The following MACF1 variants were observed in gnomAD, a reference collection of about 807,000 sequenced individuals.
MACF1 encodes the protein microtubule actin crosslinking factor 1, also known as microtubule-actin cross-linking factor 1.
Under a neutral mutation model 854.8 loss-of-function variants are expected in MACF1, and 193 were observed. The ratio of observed to expected loss-of-function variants is 0.23; its 90% CI spans 0.20 to 0.25. The LOEUF (loss-of-function observed/expected upper bound fraction) is 0.25. Among genes scored for constraint, MACF1 ranks in the 10% least tolerant of loss-of-function variants. The pLI, the probability that MACF1 is intolerant of heterozygous loss-of-function variation, is 1.00. For synonymous variants in MACF1, 3,185 were observed against 3,226.7 expected, an observed-to-expected ratio of 0.99 and a Z score of 0.44; for missense variants, 7,722 against 8,929.1, an observed-to-expected ratio of 0.86 and a Z score of 5.45.
chr1:39,250,267 A>G (rs1645025782), intron 3 of MACF1, 164 bp downstream of exon 3: 1 of 432,122 alleles, frequency 2.3e-6, no homozygotes, highest in African/African-American at 2.0e-5. Context: ...TCAGACTTAG[A>G]ATTTACAAAT....
chr1:39,421,577 CTAAT>C (rs559589217), intron 58 of MACF1, among the ~76,000 whole-genome samples: 23 of 152,256 alleles, frequency 1.5e-4, no homozygotes, highest in South Asian at 1.5e-3. Flanking sequence ...TATGTTTTGA[CTAAT>C]TGAGTTATTA....
chr1:39,294,920 A>G (rs1645869294), intron 18 of MACF1, 126 bp from the exon 19 acceptor site: 2 of 656,548 alleles, frequency 3.0e-6, no homozygotes, highest in South Asian at 1.9e-5. Flanking sequence ...CACTGTTTAT[A>G]CATCTCATTT....
intron 52 of MACF1, among the ~76,000 whole-genome samples, chr1:39,377,855 T>G (rs1274898041): frequency 6.6e-6 from 1 of 151,856 alleles, no homozygotes; most frequent in Non-Finnish European, 1.5e-5. Flanking sequence ...AATACAAAAA[T>G]TAGCCGGGCC....
chr1:39,126,700 T>C (rs1288266145), intron 2 of MACF1, among the ~76,000 whole-genome samples: 8 of 151,672 alleles, frequency 5.3e-5, no homozygotes, highest in Admixed American at 5.3e-4. Flanking sequence ...GGCAGGACAA[T>C]CACTTGAGCT....
At chr1:39,191,921 C>G (rs1313729018) in intron 2 of MACF1, among the ~76,000 whole-genome samples, 1 of 152,080 alleles carries the variant, frequency 6.6e-6, no homozygotes, top group East Asian at 1.9e-4. Flanking sequence ...GAGGCCGAAG[C>G]AGGTGGATCA....
intron 3 of MACF1, chr1:39,250,342 T>G (rs1645027188): frequency 5.9e-6 from 2 of 339,970 alleles, no homozygotes; most frequent in Non-Finnish European, 1.1e-5. Flanking sequence ...TTAGTTATAA[T>G]CCTTTTTATA....
rs890822259 is a variant in MACF1 at position 39,331,360 on chromosome 1, A to G, written c.4772A>G (p.Glu1591Gly). Residue 1591 changes from glutamate (E) to glycine (G), a missense_variant, in exon 37 of 101, where the codon GAA becomes GGA. Coordinates refer to ENST00000564288, the MANE Select transcript of MACF1 (RefSeq NM_001394062.1). The stretch of plus-strand genomic sequence containing the variant: ...GGCCTCATTGCCCCTGAGACGGGTG[A>G]AAACCTCTCTTTGGAGGAGGGCATA... ...MSGLIAPETGENLSLEEGIAR... is the reference protein window; with the variant it reads ...MSGLIAPETGGNLSLEEGIAR... 2 of 1,613,850 alleles carry G rather than the reference A, an allele frequency of 1.2e-6. No homozygotes were observed. The highest frequency in any genetic ancestry group is 1.3e-5 in the African/African-American group (1 of 74,826).
chr1:39,458,828 T>C, intron 90 of MACF1: 1 of 493,990 alleles, frequency 2.0e-6, no homozygotes, highest in Non-Finnish European at 3.5e-6. Context: ...GCTTTTTTAG[T>C]TGAGTTAACG....
intron 22 of MACF1, among the ~76,000 whole-genome samples, chr1:39,301,008 C>CT (rs1169412275): frequency 1.3e-5 from 2 of 151,882 alleles, no homozygotes; most frequent in African/African-American, 4.8e-5. Flanking sequence ...GAGTGAAACT[C>CT]TGTCTCAAAA....
At chr1:39,138,750 C>G (rs1034386539) in intron 2 of MACF1, among the ~76,000 whole-genome samples, 3 of 147,936 alleles carry the variant, frequency 2.0e-5, no homozygotes, top group Non-Finnish European at 3.0e-5. Flanking sequence ...CTGCAACCTC[C>G]GCCTCCCAGG....
At chr1:39,224,200 A>G (rs1644686839) in intron 1 of MACF1, among the ~76,000 whole-genome samples, 1 of 151,882 alleles carries the variant, frequency 6.6e-6, no homozygotes, top group South Asian at 2.1e-4. Context: ...CCATACACAC[A>G]TGACACAAAA....
rs141461887 is a variant in MACF1 at position 39,306,860 on chromosome 1, A to AATTATTATTATT, written c.2790-2688_2790-2677dup. Among the ~76,000 whole-genome samples the AATTATTATTATT allele has an allele frequency of 1.3e-3, 191 of 144,896 alleles. No individual in the cohort carries two copies. In the Middle Eastern group the frequency reaches 0.014, roughly 11 times the overall value. Reference sequence around the variant, plus strand: ...CTAACTGGCAAGATACATTTTTTGAAATTATTATTATTATTATTATTATTA... The same window carrying AATTATTATTATT: ...CTAACTGGCAAGATACATTTTTTGAAATTATTATTATTATTATTATTATTATTATTATTATTA... On this transcript the variant is annotated intron_variant, in intron 23 of 100. Coordinates refer to ENST00000564288, the MANE Select transcript of MACF1 (RefSeq NM_001394062.1).
intron 2 of MACF1, chr1:39,154,422 T>G (rs1352689449): frequency 6.6e-6 from 1 of 152,188 alleles, no homozygotes; most frequent in African/African-American, 2.4e-5. Context: ...GATGAATGAT[T>G]GAATGAATTC....
At chr1:39,454,813 TAAAAA>T in intron 88 of MACF1, 91 bp from the exon 89 acceptor site, 1 of 1,102,480 alleles carries the variant, frequency 9.1e-7, no homozygotes, top group Non-Finnish European at 1.3e-6. Flanking sequence ...AAAAATAAAA[TAAAAA>T]GCCATTATGA....
chr1:39,454,950 G>A lies in MACF1; in HGVS notation c.20928G>A (p.Thr6976=), dbSNP rs774231671. 42 of 1,614,006 alleles carry A rather than the reference G, an allele frequency of 2.6e-5. 1 individual carries two copies. In the East Asian group the frequency reaches 2.7e-4, roughly 10 times the overall value. ...AGCAGCACCAGCAGCGTCTTGAAACGGCCTTGTCAGAACTGGTGGCTAATG... is the reference window on the plus strand; with the variant it reads ...AGCAGCACCAGCAGCGTCTTGAAACAGCCTTGTCAGAACTGGTGGCTAATG... ...WAKQHQQRLE[T]ALSELVANAE... The change falls in exon 89 of 101, where the codon ACG becomes ACA. Residue 6976 remains threonine (T), a synonymous_variant. Coordinates refer to ENST00000564288, the MANE Select transcript of MACF1 (RefSeq NM_001394062.1).
Position 39,318,689 on chromosome 1 carries a change from C to T in MACF1, c.3945+74C>T. ...CTTTATCATAAAAGAAAATGATGTA[C>T]TGGCAATTAAAGCTTCCTCCAAATG... On this transcript the variant is annotated intron_variant, in intron 30 of 100. Coordinates refer to ENST00000564288, the MANE Select transcript of MACF1 (RefSeq NM_001394062.1). The T allele has an allele frequency of 2.9e-6, 4 of 1,403,176 alleles. No individual in the cohort carries two copies. The South Asian group carries it at 6.0e-5, about 21-fold the overall frequency. The allele number at this position is 1,403,176 out of a possible 1,614,324, so 86.9% of individuals were successfully genotyped here.
In MACF1 at chr1:39,105,551, C is replaced by T. The variant is rs1642207410; in HGVS notation, c.220+21113C>T. 7.5e-6 allele frequency: 8 copies of T among 1,063,376 alleles called. No individual in the cohort carries two copies. The highest frequency in any genetic ancestry group is 9.1e-6 in the Non-Finnish European group (8 of 878,352). 65.9% of individuals were successfully genotyped at this position (1,063,376 alleles called of 1,614,324 possible). A position where few individuals can be genotyped will look rare whatever the true frequency, so the allele number is the denominator to read the frequency against. On this transcript the variant is annotated intron_variant, in intron 2 of 93. Transcript: ENST00000361689. This position sits in a 1 kb window ranked among gnomAD's most constrained non-coding sequence, Gnocchi z 5.9. ...GACGCACAAAGGGTCGAGGCTGGGG[C>T]CGCCGCCGCCTCAGCGCGCGGGCCT...
intron 26 of MACF1, among the ~76,000 whole-genome samples, chr1:39,314,633 A>G (rs1013739807): frequency 2.7e-5 from 4 of 147,610 alleles, no homozygotes; most frequent in Non-Finnish European, 6.0e-5. Context: ...TTGTCTCCCC[A>G]TCCAGTTCCC....
chr1:39,388,028 A>G lies in MACF1; in HGVS notation c.15186A>G (p.Leu5062=). ...CTCAACAGGAAGTGCTGCAGGCCCT[A>G]GAGCCTCAGGTAGACTATCTGAGGA... is the stretch of plus-strand genomic sequence containing the variant. ...LRAQQEVLQA[L]EPQVDYLRNF... The change falls in exon 58 of 101, where the codon CTA becomes CTG. Residue 5062 remains leucine (L), a synonymous_variant. Coordinates refer to ENST00000564288, the MANE Select transcript of MACF1 (RefSeq NM_001394062.1). 1 of 1,614,204 alleles carries G rather than the reference A, an allele frequency of 6.2e-7. No homozygotes were observed. The highest frequency in any genetic ancestry group is 8.5e-7 in the Non-Finnish European group (1 of 1,180,032).
Sources: gnomAD v4.1 joint callset for allele counts (sites outside exome capture counted in the v4.1 genomes callset) on GRCh38, gnomAD v4.1.1 for gene constraint, Gnocchi (gnomAD v3.1) non-coding constraint, MANE v1.5 for transcripts, NCBI Gene and HGNC (gene_info 2026-07-23, HGNC 2026-07-21) for gene names.